The following CDK8 variants were observed in gnomAD, a reference collection of about 807,000 sequenced individuals.
The protein encoded by CDK8 is cyclin-dependent kinase 8.
A neutral mutation model predicts 71.5 loss-of-function variants in CDK8; 29 were observed. That is an observed-to-expected ratio of 0.41 (90% CI 0.30 to 0.55). The LOEUF (loss-of-function observed/expected upper bound fraction) is 0.55. CDK8 is among the 20% of genes least tolerant of loss of function. The probability of loss-of-function intolerance (pLI) is 0.37; values close to 1 mark genes in which losing one functional copy is unlikely to be tolerated. For synonymous variants in CDK8, 161 were observed against 192.1 expected (o/e 0.84, Z 1.34); for missense variants, 288 against 572.6 (o/e 0.50, Z 5.07).
At chr13:26,352,068 C>T (rs1213929733) in intron 3 of CDK8, among the ~76,000 whole-genome samples, 2 of 151,504 alleles carry the variant, frequency 1.3e-5, no homozygotes, top group Admixed American at 1.3e-4. Flanking sequence ...TACCTTACCT[C>T]TCCTACATAT....
intron 4 of CDK8, among the ~76,000 whole-genome samples, chr13:26,367,609 G>C (rs1565988165): frequency 6.6e-6 from 1 of 152,150 alleles, no homozygotes; most frequent in East Asian, 1.9e-4. Flanking sequence ...TGTTCATTAA[G>C]TACATTTCAC....
At chr13:26,395,089 A>G (rs1440438301) in intron 7 of CDK8, among the ~76,000 whole-genome samples, 1 of 152,220 alleles carries the variant, frequency 6.6e-6, no homozygotes, top group African/African-American at 2.4e-5. Context: ...TCCATTTAGG[A>G]GTGTAGTGTA....
chr13:26,365,899 A>G (rs1181026030), intron 4 of CDK8, among the ~76,000 whole-genome samples: 1 of 152,062 alleles, frequency 6.6e-6, no homozygotes, highest in Non-Finnish European at 1.5e-5. Context: ...TCACATTAGC[A>G]AAACAAATAT....
At chr13:26,391,893 A>G (rs1875762805) in intron 6 of CDK8, among the ~76,000 whole-genome samples, 1 of 152,248 alleles carries the variant, frequency 6.6e-6, no homozygotes, top group Admixed American at 6.5e-5. Flanking sequence ...GATTAAATTA[A>G]ATATCTCTAT....
intron 1 of CDK8, among the ~76,000 whole-genome samples, chr13:26,297,621 T>G (rs1873619611): frequency 6.6e-6 from 1 of 152,188 alleles, no homozygotes; most frequent in African/African-American, 2.4e-5. Flanking sequence ...CAGTACCTGA[T>G]AAGTTCCTTT....
intron 2 of CDK8, among the ~76,000 whole-genome samples, chr13:26,339,736 A>T (rs1375767714): frequency 3.7e-5 from 3 of 80,572 alleles, no homozygotes; most frequent in Non-Finnish European, 8.8e-5. Context: ...TATTTTATTT[A>T]TATAATTACT....
intron 4 of CDK8, among the ~76,000 whole-genome samples, chr13:26,360,713 A>G (rs1874098415): frequency 6.6e-6 from 1 of 152,202 alleles, no homozygotes; most frequent in Admixed American, 6.5e-5. Context: ...GAATGAATGA[A>G]CTAGCTTACT....
chr13:26,331,161 A>G (rs9581638), intron 1 of CDK8, among the ~76,000 whole-genome samples: 5,403 of 152,096 alleles, frequency 0.036, 316 homozygotes, highest in African/African-American at 0.12. Context: ...ATGGTATCTC[A>G]TTGTGGTTTT....
intron 2 of CDK8, among the ~76,000 whole-genome samples, chr13:26,348,725 G>A (rs1036900145): frequency 1.3e-5 from 2 of 152,102 alleles, no homozygotes; most frequent in Admixed American, 6.5e-5. Context: ...GGTGGTGATC[G>A]CAGAACATTG....
chr13:26,365,378 G>A (rs576064811), intron 4 of CDK8, among the ~76,000 whole-genome samples: 1 of 152,100 alleles, frequency 6.6e-6, no homozygotes, highest in Admixed American at 6.5e-5. Flanking sequence ...TTATTATACT[G>A]AGCATGCACA....
chr13:26,403,457 GAAAA>G (rs931287725), intron 12 of CDK8, among the ~76,000 whole-genome samples: 1 of 146,940 alleles, frequency 6.8e-6, no homozygotes, highest in African/African-American at 2.5e-5. Flanking sequence ...TGTCTCAAAA[GAAAA>G]AAAAAATAGT....
chr13:26,360,382 C>A (rs1874080485), intron 4 of CDK8, among the ~76,000 whole-genome samples: 1 of 152,166 alleles, frequency 6.6e-6, no homozygotes, highest in African/African-American at 2.4e-5. Flanking sequence ...ATCTTCTTTT[C>A]TTTCCCTATC....
intron 3 of CDK8, among the ~76,000 whole-genome samples, chr13:26,350,013 TTCA>T: frequency 6.6e-6 from 1 of 152,184 alleles, no homozygotes; most frequent in African/African-American, 2.4e-5. Context: ...GCCTTCCTTA[TTCA>T]GTACAGTAAC....
At chr13:26,302,964 A>G (rs878867401) in intron 1 of CDK8, among the ~76,000 whole-genome samples, 6 of 152,160 alleles carry the variant, frequency 3.9e-5, no homozygotes, top group Admixed American at 3.3e-4. Context: ...AGTAGCTAGA[A>G]TTACTGGCAT....
At chr13:26,284,160 A>G (rs2137890272) in intron 1 of CDK8, among the ~76,000 whole-genome samples, 1 of 152,382 alleles carries the variant, frequency 6.6e-6, no homozygotes, top group African/African-American at 2.4e-5. Flanking sequence ...AAGAAAGGTC[A>G]TAGCATTAAA....
At chr13:26,298,963 C>G (rs529220820) in intron 1 of CDK8, among the ~76,000 whole-genome samples, 1 of 152,170 alleles carries the variant, frequency 6.6e-6, no homozygotes, top group East Asian at 1.9e-4. Flanking sequence ...TAATTTGCCC[C>G]TGGATTTCAT....
intron 4 of CDK8, among the ~76,000 whole-genome samples, chr13:26,364,673 T>G (rs1180900168): frequency 6.6e-6 from 1 of 152,196 alleles, no homozygotes. Context: ...GAAGAAAATG[T>G]TTATTTAATG....
intron 4 of CDK8, among the ~76,000 whole-genome samples, chr13:26,370,428 C>G (rs1874611240): frequency 4.6e-5 from 7 of 152,098 alleles, no homozygotes; most frequent in Admixed American, 4.6e-4. Context: ...AAATATAACA[C>G]AAAATTCAAT....
chr13:26,334,286 C>T (rs1188808436), intron 1 of CDK8, among the ~76,000 whole-genome samples: 2 of 152,088 alleles, frequency 1.3e-5, no homozygotes, highest in East Asian at 3.8e-4. Flanking sequence ...TTCTTTCCCA[C>T]CACTCTCTTT....
Sources: allele counts gnomAD v4.1 joint callset (sites outside exome capture counted in the v4.1 genomes callset), GRCh38; gene constraint gnomAD v4.1.1; transcripts MANE v1.5; gene names NCBI Gene and HGNC (gene_info 2026-07-23, HGNC 2026-07-21).